PDE11A: variants seen among roughly 807,000 people sequenced by gnomAD.
The protein encoded by PDE11A is dual 3',5'-cyclic-AMP and -GMP phosphodiesterase 11A.
Under a neutral mutation model 100.5 loss-of-function variants are expected in PDE11A, and 100 were observed. That is an observed-to-expected ratio of 1.00 (90% CI 0.85 to 1.18). The LOEUF is 1.18. PDE11A is among the 50% of genes most tolerant of loss of function. The probability of loss-of-function intolerance (pLI) is 0.00; values close to 1 mark genes in which losing one functional copy is unlikely to be tolerated. For synonymous variants in PDE11A, 381 were observed against 420.8 expected (o/e 0.91, Z 1.16); for missense variants, 1,141 against 1,152.6 (o/e 0.99, Z 0.15).
chr2:177,707,633 G>C (rs1442543552), intron 13 of PDE11A, among the ~76,000 whole-genome samples: 2 of 152,046 alleles, frequency 1.3e-5, no homozygotes, highest in Non-Finnish European at 2.9e-5. Context: ...GGCAGCCTCA[G>C]CTCCCAAATC....
At chr2:177,726,857 A>G (rs1236008962) in intron 12 of PDE11A, among the ~76,000 whole-genome samples, 1 of 152,026 alleles carries the variant, frequency 6.6e-6, no homozygotes, top group Non-Finnish European at 1.5e-5. Flanking sequence ...ACACACACCC[A>G]CAGATATGTA....
intron 11 of PDE11A, 23 bp downstream of exon 11, chr2:177,728,003 A>T: frequency 6.2e-7 from 1 of 1,606,652 alleles, no homozygotes; most frequent in Non-Finnish European, 8.5e-7. Flanking sequence ...AACTGCTTGG[A>T]TCACCCAAGA....
chr2:177,927,196 T>A (rs961066068), intron 2 of PDE11A, among the ~76,000 whole-genome samples: 2 of 152,242 alleles, frequency 1.3e-5, no homozygotes, highest in South Asian at 2.1e-4. Flanking sequence ...CATTAATTTT[T>A]AAAAATCAAT....
At chr2:177,779,028 C>G (rs2082416970) in intron 9 of PDE11A, among the ~76,000 whole-genome samples, 1 of 151,998 alleles carries the variant, frequency 6.6e-6, no homozygotes, top group Non-Finnish European at 1.5e-5. Context: ...ACAGGCATAC[C>G]TCAGAGATAT....
Position 177,766,846 on chromosome 2 carries a change from A to C in PDE11A, c.1788+2477T>G, listed in dbSNP as rs925365615. ...AATAGGATACTAGCTAATATCTGTCATGATAAAATCTGGAGTAAATCAGTT... is the reference window on the plus strand; with the variant it reads ...AATAGGATACTAGCTAATATCTGTCCTGATAAAATCTGGAGTAAATCAGTT... On this transcript the variant is annotated intron_variant, in intron 10 of 19. Transcript: ENST00000286063. Among the ~76,000 whole-genome samples the C allele has an allele frequency of 3.3e-5, 5 of 152,360 alleles. No homozygotes were observed. The East Asian group carries it at 7.7e-4, about 23-fold the overall frequency.
chr2:178,072,306 C>G lies in PDE11A; in HGVS notation c.132G>C (p.Gln44His). The change falls in exon 1 of 20, where the codon CAG (glutamine) becomes CAC (histidine). Residue 44 changes from glutamine (Q) to histidine (H), a missense_variant. Coordinates refer to ENST00000286063, the MANE Select transcript of PDE11A (RefSeq NM_016953.4). ...GCCTTGGACCTAAAGCCCCCTGACC[C>G]TGACTGTGCCTCTGCAGCCACTTTT... ...MVEKWLQRHS[Q>H]GQGALGPRPS... 1.9e-6 allele frequency: 3 copies of G among 1,614,128 alleles called. No homozygotes were observed. The highest frequency in any genetic ancestry group is 2.5e-6 in the Non-Finnish European group (3 of 1,180,004).
At chr2:178,030,402 G>T (rs530927570) in intron 1 of PDE11A, among the ~76,000 whole-genome samples, 3 of 152,188 alleles carry the variant, frequency 2.0e-5, no homozygotes, top group Non-Finnish European at 4.4e-5. Flanking sequence ...AAATATTCCC[G>T]TTAAACATAC....
intron 1 of PDE11A, among the ~76,000 whole-genome samples, chr2:178,064,751 G>C (rs1042260578): frequency 3.3e-5 from 5 of 151,706 alleles, no homozygotes; most frequent in African/African-American, 1.2e-4. Flanking sequence ...TTGAGCCCAG[G>C]AGTTTTAATT....
intron 1 of PDE11A, among the ~76,000 whole-genome samples, chr2:178,066,576 C>T (rs2087047245): frequency 6.6e-6 from 1 of 152,140 alleles, no homozygotes; most frequent in Non-Finnish European, 1.5e-5. Flanking sequence ...CCAGTCTCAC[C>T]TCTGCCCTTA....
chr2:177,977,128 T>A (rs2085819779), intron 2 of PDE11A, among the ~76,000 whole-genome samples: 1 of 35,978 alleles, frequency 2.8e-5, no homozygotes, highest in African/African-American at 1.1e-4. Context: ...GGTATTCAAT[T>A]AGGAAAAGAG....
At chr2:177,653,591 A>G (rs534551381) in intron 19 of PDE11A, among the ~76,000 whole-genome samples, 5 of 152,322 alleles carry the variant, frequency 3.3e-5, no homozygotes, top group East Asian at 1.9e-4. Context: ...CCTAAATCCA[A>G]TGGTTTGTGT....
chr2:177,756,991 T>C (rs1025589615), intron 10 of PDE11A, among the ~76,000 whole-genome samples: 2 of 152,146 alleles, frequency 1.3e-5, no homozygotes, highest in African/African-American at 2.4e-5. Context: ...ACGAGAAGAA[T>C]CTCAAACAAA....
intron 2 of PDE11A, among the ~76,000 whole-genome samples, chr2:177,986,709 T>C (rs1448437277): frequency 2.6e-5 from 4 of 151,802 alleles, no homozygotes; most frequent in African/African-American, 9.7e-5. Context: ...CGGGCACCTG[T>C]AATCCCAGCT....
At chr2:177,649,088 T>G (rs1007073141) in intron 19 of PDE11A, among the ~76,000 whole-genome samples, 1 of 152,176 alleles carries the variant, frequency 6.6e-6, no homozygotes, top group African/African-American at 2.4e-5. Context: ...TTTATAGCTA[T>G]CGTATTAGCA....
At chr2:177,915,056 A>G (rs747261110) in intron 2 of PDE11A, among the ~76,000 whole-genome samples, 6 of 152,036 alleles carry the variant, frequency 3.9e-5, no homozygotes, top group Non-Finnish European at 8.8e-5. Flanking sequence ...TTTTTAGGGC[A>G]GTTTTAGGTT....
intron 2 of PDE11A, among the ~76,000 whole-genome samples, chr2:178,088,980 G>A (rs2087389842): frequency 6.6e-6 from 1 of 152,180 alleles, no homozygotes; most frequent in African/African-American, 2.4e-5. Flanking sequence ...TAATTTAGAT[G>A]GAAGTGCACT....
chr2:177,685,121 T>C (rs2080924354), intron 15 of PDE11A, among the ~76,000 whole-genome samples: 1 of 152,186 alleles, frequency 6.6e-6, no homozygotes, highest in African/African-American at 2.4e-5. Context: ...CCTACAACAA[T>C]GCCTGACATG....
intron 2 of PDE11A, among the ~76,000 whole-genome samples, chr2:178,087,182 G>A (rs149489249): frequency 0.015 from 2,342 of 151,936 alleles, 56 homozygotes; most frequent in African/African-American, 0.053. Context: ...GTGAAACCCC[G>A]TCTCTACTAA....
chr2:177,906,578 A>G (rs2084792884), intron 2 of PDE11A, among the ~76,000 whole-genome samples: 1 of 152,198 alleles, frequency 6.6e-6, no homozygotes, highest in African/African-American at 2.4e-5. Context: ...AAACAATGGG[A>G]TCCGAATTAA....
Sources: gnomAD v4.1 joint callset for allele counts (sites outside exome capture counted in the v4.1 genomes callset) on GRCh38, gnomAD v4.1.1 for gene constraint, MANE v1.5 for transcripts, NCBI Gene and HGNC (gene_info 2026-07-23, HGNC 2026-07-21) for gene names.